The following P4HA3 variants were observed in gnomAD, a reference collection of about 807,000 sequenced individuals.
P4HA3 encodes prolyl 4-hydroxylase subunit alpha-3.
In P4HA3, 60 loss-of-function variants were observed where a neutral mutation model predicts 66.7. The ratio of observed to expected loss-of-function variants is 0.90; its 90% confidence interval spans 0.73 to 1.12. The LOEUF (loss-of-function observed/expected upper bound fraction) is 1.12, where lower values mean the gene tolerates loss of function less well. Among genes scored for constraint, P4HA3 ranks in the 50% most tolerant of loss-of-function variants. P4HA3 has a pLI of 0.00. For missense variants in P4HA3, 683 were observed against 685.8 expected, an observed-to-expected ratio of 1.00 and a Z score of 0.05; for synonymous variants, 263 against 274.6, an observed-to-expected ratio of 0.96 and a Z score of 0.42.
chr11:74,310,482 TATC>T (rs1169646799), intron 1 of P4HA3, among the ~76,000 whole-genome samples: 1 of 152,198 alleles, frequency 6.6e-6, no homozygotes, highest in East Asian at 1.9e-4. Flanking sequence ...ACATCTCAGT[TATC>T]ATTTATTTAG....
chr11:74,306,970 T>C (rs1861598825), intron 1 of P4HA3, among the ~76,000 whole-genome samples: 1 of 152,112 alleles, frequency 6.6e-6, no homozygotes, highest in Non-Finnish European at 1.5e-5. Context: ...CTGCTTTGGC[T>C]CCGTATGGAA....
In P4HA3 at chr11:74,276,962, T is replaced by C. The variant is rs1301598148; in HGVS notation, c.1335+23A>G. On this transcript the variant is annotated intron_variant, in intron 9 of 12. Transcript: ENST00000331597. ...TGCCCTGGCTCCCTACCCCAGGGGATTGGTCATTGACTCCACCATTACCGT... is the reference window on the plus strand; with the variant it reads ...TGCCCTGGCTCCCTACCCCAGGGGACTGGTCATTGACTCCACCATTACCGT... The C allele has an allele frequency of 2.5e-6, 4 of 1,598,996 alleles. No homozygotes were observed. The African/African-American group carries it at 4.0e-5, about 16-fold the overall frequency.
At chr11:74,251,373 C>G in intron 15 of P4HA3, 1 of 1,359,338 alleles carries the variant, frequency 7.4e-7, no homozygotes, top group Non-Finnish European at 9.5e-7. Context: ...ATGGGCTCCT[C>G]CTGTGAGAAA....
chr11:74,310,406 A>G (rs1254481205), intron 1 of P4HA3, among the ~76,000 whole-genome samples: 1 of 152,262 alleles, frequency 6.6e-6, no homozygotes, highest in East Asian at 1.9e-4. Flanking sequence ...TACACTCAGT[A>G]TCTTCTGCAT....
At chr11:74,287,032 AGG>A in intron 5 of P4HA3, 1 of 1,016,912 alleles carries the variant, frequency 9.8e-7, no homozygotes, top group Non-Finnish European at 1.2e-6. Flanking sequence ...TATGGCGCAG[AGG>A]GACTCTAGAC....
At chr11:74,304,149 T>C in intron 2 of P4HA3, 121 bp downstream of exon 2, 1 of 1,291,972 alleles carries the variant, frequency 7.7e-7, no homozygotes, top group Non-Finnish European at 1.1e-6. Context: ...GCTAAGGATA[T>C]TAAGTAATAC....
chr11:74,258,655 G>A (rs1009608185), intron 15 of P4HA3, among the ~76,000 whole-genome samples: 2 of 152,114 alleles, frequency 1.3e-5, no homozygotes, highest in Admixed American at 1.3e-4. Context: ...CCACACCATA[G>A]CAGAAGGAGA....
chr11:74,311,277 G>T, intron 1 of P4HA3, 135 bp downstream of exon 1: 2 of 1,037,024 alleles, frequency 1.9e-6, no homozygotes, highest in Non-Finnish European at 2.6e-6. Context: ...TCAGTCGCAC[G>T]GTGCGACAGT....
Position 74,286,219 on chromosome 11 carries a change from G to A in P4HA3, c.933+9C>T, listed in dbSNP as rs1294053537. 1.2e-6 allele frequency: 2 copies of A among 1,610,436 alleles called. No individual in the cohort carries two copies. Among genetic ancestry groups the A allele is most frequent in the Non-Finnish European group, 8.5e-7 (1 of 1,179,014 alleles). On this transcript the variant is annotated intron_variant, in intron 6 of 12. Coordinates refer to ENST00000331597, the MANE Select transcript of P4HA3 (RefSeq NM_182904.5). Reference sequence around the variant, plus strand: ...CTCTCCCCCTTTCTCTTTCCCTGAGGAATCCTACCTGGGAACCCAGGGTCT... The same window carrying A: ...CTCTCCCCCTTTCTCTTTCCCTGAGAAATCCTACCTGGGAACCCAGGGTCT...
At chr11:74,281,869 TATAATA>T (rs57363098) in intron 7 of P4HA3, among the ~76,000 whole-genome samples, 238 of 144,468 alleles carry the variant, frequency 1.6e-3, no homozygotes, top group South Asian at 6.4e-3. Flanking sequence ...AAACTTAAAG[TATAATA>T]ATAATAATAA....
intron 15 of P4HA3, chr11:74,253,651 AC>A: frequency 1.1e-6 from 1 of 904,708 alleles, no homozygotes; most frequent in Non-Finnish European, 1.8e-6. Context: ...CCCGAGATGT[AC>A]CAACCTTTTC....
chr11:74,275,802 C>CT (rs1470001753), intron 9 of P4HA3, among the ~76,000 whole-genome samples: 4 of 152,102 alleles, frequency 2.6e-5, no homozygotes. Flanking sequence ...TACTGGGTAT[C>CT]TACCCAAAGG....
chr11:74,293,922 G>A (rs1861123401), intron 4 of P4HA3, among the ~76,000 whole-genome samples: 6 of 152,210 alleles, frequency 3.9e-5, no homozygotes, highest in Admixed American at 6.5e-5. Context: ...ACAATTATGT[G>A]TCTTGGAGTT....
At chr11:74,307,464 G>C (rs1235889993) in intron 1 of P4HA3, among the ~76,000 whole-genome samples, 5 of 152,080 alleles carry the variant, frequency 3.3e-5, no homozygotes, top group Admixed American at 1.3e-4. Context: ...TTTAGGTCAG[G>C]GTTTGATCTC....
intron 12 of P4HA3, among the ~76,000 whole-genome samples, chr11:74,267,758 C>T (rs368699407): frequency 1.4e-4 from 21 of 152,170 alleles, no homozygotes; most frequent in Admixed American, 6.5e-4. Context: ...GACATAAACA[C>T]GTCCATCTGC....
In P4HA3 at chr11:74,277,000, G is replaced by C. The variant is rs1171815221; in HGVS notation, c.1320C>G (p.His440Gln). The C allele has an allele frequency of 1.2e-6, 2 of 1,613,718 alleles. No homozygotes were observed. The highest frequency in any genetic ancestry group is 1.7e-6 in the Non-Finnish European group (2 of 1,179,790). The change falls in exon 9 of 13, where the codon CAC becomes CAG. Residue 440 changes from histidine to glutamine, a missense_variant. Transcript: ENST00000331597. ...CCACCATTACCGTAGCATGGTCAAAGTGAGGCTCATAGTGTCCTCCGATGC... is the reference window on the plus strand; with the variant it reads ...CCACCATTACCGTAGCATGGTCAAACTGAGGCTCATAGTGTCCTCCGATGC... ...NYGIGGHYEP[H>Q]FDHATSPSSP...
chr11:74,263,000 G>A (rs895279003), downstream of P4HA3, among the ~76,000 whole-genome samples: 1 of 152,246 alleles, frequency 6.6e-6, no homozygotes, highest in Non-Finnish European at 1.5e-5. Flanking sequence ...CTACAGGCAT[G>A]CATTCTTACT....
chr11:74,287,386 C>T (rs1010548258), intron 5 of P4HA3: 2 of 1,182,738 alleles, frequency 1.7e-6, no homozygotes, highest in Non-Finnish European at 2.2e-6. Flanking sequence ...AAGCCCAAAC[C>T]CCAGTGAAAA....
rs757444094 is a variant in P4HA3 at position 74,277,064 on chromosome 11, C to A, written c.1256G>T (p.Arg419Leu). The A allele has an allele frequency of 2.5e-6, 4 of 1,613,946 alleles. No homozygotes were observed. The highest frequency in any genetic ancestry group is 3.3e-5 in the Admixed American group (2 of 59,980). ...CTGCAGATACTCTGCATAGGGAGGC[C>A]GGACATCAAGGCCTGTGAGGGCAGC... ...RIAALTGLDV[R>L]PPYAEYLQVV... is the part of the protein sequence containing the mutation. The change falls in exon 9 of 13, where the codon CGG becomes CTG. Residue 419 changes from arginine (R) to leucine (L), a missense_variant. Physicochemically the swap from Arg to Leu is moderately radical, Grantham distance 102. Transcript: ENST00000331597.
Sources: gnomAD v4.1 joint callset for allele counts (sites outside exome capture counted in the v4.1 genomes callset) on GRCh38, gnomAD v4.1.1 for gene constraint, MANE v1.5 for transcripts, NCBI Gene and HGNC (gene_info 2026-07-23, HGNC 2026-07-21) for gene names.